GUCY1A2: variants seen among roughly 807,000 people sequenced by gnomAD.
GUCY1A2 encodes the protein guanylate cyclase soluble subunit alpha-2.
Under a neutral mutation model 63.5 loss-of-function variants are expected in GUCY1A2, and 27 were observed. The ratio of observed to expected loss-of-function variants is 0.43; its 90% CI spans 0.31 to 0.59. The LOEUF is 0.59. Ranked by LOEUF, GUCY1A2 falls within the 20% of genes least tolerant of loss-of-function variation. The pLI is 0.11. For synonymous variants in GUCY1A2, 364 were observed against 343.5 expected (o/e 1.06, Z -0.66); for missense variants, 768 against 913.3 (o/e 0.84, Z 2.05).
At chr11:106,969,599 T>A (rs1404809693) in intron 3 of GUCY1A2, among the ~76,000 whole-genome samples, 1 of 151,808 alleles carries the variant, frequency 6.6e-6, no homozygotes, top group Admixed American at 6.6e-5. Flanking sequence ...AAAAAGCAAA[T>A]GTGACAAGTC....
rs1041274205 is a variant in GUCY1A2, at chr11:106,810,002, A to G, written c.1683T>C (p.Asp561=). Residue 561 remains aspartate, a synonymous_variant, in exon 5 of 8, where the codon GAT becomes GAC. Transcript: ENST00000526355. ...TRFDHQCGFL[D]IYKVETIGDA... ...AACTAAACTCCCTTACCTTATAAAT[A>G]TCCAAAAATCCACACTGGTGGTCAA... 4 of 1,596,790 alleles carry G rather than the reference A, an allele frequency of 2.5e-6. No individual in the cohort carries two copies. The African/African-American group carries it at 4.0e-5, about 16-fold the overall frequency.
intron 4 of GUCY1A2, chr11:106,826,574 T>G (rs1858973960): frequency 6.2e-7 from 1 of 1,601,028 alleles, no homozygotes; most frequent in Non-Finnish European, 8.6e-7. Context: ...TGTCCTTTGG[T>G]ACATCTCAGC....
At chr11:106,941,691 C>T (rs994602362) in intron 3 of GUCY1A2, among the ~76,000 whole-genome samples, 10 of 152,224 alleles carry the variant, frequency 6.6e-5, no homozygotes, top group Middle Eastern at 3.4e-3. Flanking sequence ...AGAAGTGAGG[C>T]AAATGAACAG....
At chr11:106,689,718 CG>C (rs1295078249) in intron 7 of GUCY1A2, among the ~76,000 whole-genome samples, 1 of 152,052 alleles carries the variant, frequency 6.6e-6, no homozygotes, top group Non-Finnish European at 1.5e-5. Flanking sequence ...GGGCCGGGCA[CG>C]GTGGCTCACG....
At chr11:106,805,231 A>T (rs1422334342) in intron 5 of GUCY1A2, among the ~76,000 whole-genome samples, 5 of 142,598 alleles carry the variant, frequency 3.5e-5, no homozygotes, top group South Asian at 2.3e-4. Context: ...GACAGAGAAA[A>T]CTATTTTATC....
intron 3 of GUCY1A2, among the ~76,000 whole-genome samples, chr11:106,943,031 G>T (rs537763285): frequency 2.0e-5 from 3 of 152,052 alleles, no homozygotes; most frequent in Non-Finnish European, 2.9e-5. Flanking sequence ...AACTAATAAA[G>T]ATTTTTATTC....
chr11:106,750,391 C>A (rs1242697295), intron 6 of GUCY1A2, among the ~76,000 whole-genome samples: 1 of 152,032 alleles, frequency 6.6e-6, no homozygotes, highest in Non-Finnish European at 1.5e-5. Flanking sequence ...TCTGGCAATA[C>A]CCTCACAAAC....
chr11:106,928,897 C>A (rs1439494507), intron 4 of GUCY1A2, among the ~76,000 whole-genome samples: 1 of 152,112 alleles, frequency 6.6e-6, no homozygotes, highest in Non-Finnish European at 1.5e-5. Context: ...TATGACTGTA[C>A]TTGGATTTTG....
At chr11:106,773,486 T>C (rs2135400253) in intron 6 of GUCY1A2, among the ~76,000 whole-genome samples, 1 of 152,304 alleles carries the variant, frequency 6.6e-6, no homozygotes, top group East Asian at 1.9e-4. Flanking sequence ...TATTCTTGTG[T>C]GTGACTTTTG....
intron 6 of GUCY1A2, among the ~76,000 whole-genome samples, chr11:106,757,873 G>A (rs1347603052): frequency 1.3e-5 from 2 of 152,228 alleles, no homozygotes; most frequent in Non-Finnish European, 2.9e-5. Context: ...AACAGAGCTC[G>A]AATGTGGTGT....
intron 1 of GUCY1A2, among the ~76,000 whole-genome samples, chr11:107,011,303 A>G (rs1409135556): frequency 2.0e-5 from 3 of 151,950 alleles, no homozygotes; most frequent in Non-Finnish European, 4.4e-5. Context: ...TTATTTTCCT[A>G]TCATATTCAA....
intron 6 of GUCY1A2, among the ~76,000 whole-genome samples, chr11:106,734,310 T>G (rs1021295270): frequency 6.6e-6 from 1 of 152,098 alleles, no homozygotes; most frequent in Non-Finnish European, 1.5e-5. Flanking sequence ...ATCAAAGATA[T>G]ATTTTGCTTA....
chr11:106,773,214 A>T (rs187071727), intron 6 of GUCY1A2, among the ~76,000 whole-genome samples: 1,948 of 151,214 alleles, frequency 0.013, 26 homozygotes, highest in South Asian at 0.05. Flanking sequence ...TTTGCCATCA[A>T]TGCAAGTATT....
intron 5 of GUCY1A2, among the ~76,000 whole-genome samples, chr11:106,798,682 G>C (rs1009970201): frequency 1.3e-5 from 2 of 152,110 alleles, no homozygotes; most frequent in African/African-American, 4.8e-5. Flanking sequence ...TATCTCAATA[G>C]ATGCAGAAAA....
rs141588638 is a variant in GUCY1A2 at position 106,975,782 on chromosome 11, A to G, written c.487+2837T>C. ...AGAGGCATGAAACACCTTGTAGGGC[A>G]CAACATGTGCTCCCAGGGAGTCCCA... On this transcript the variant is annotated intron_variant, in intron 3 of 7. Coordinates refer to ENST00000526355, the MANE Select transcript of GUCY1A2 (RefSeq NM_000855.3). Among the ~76,000 whole-genome samples, 9 of 152,312 alleles carry G rather than the reference A, an allele frequency of 5.9e-5. No homozygotes were observed. In the East Asian group the frequency reaches 1.5e-3, roughly 26 times the overall value.
chr11:106,865,014 C>A (rs1859571493), intron 4 of GUCY1A2, among the ~76,000 whole-genome samples: 1 of 152,042 alleles, frequency 6.6e-6, no homozygotes, highest in Non-Finnish European at 1.5e-5. Context: ...CTTTGTACCT[C>A]TGGTAGAATT....
chr11:106,713,439 A>G (rs1300047364), intron 6 of GUCY1A2, among the ~76,000 whole-genome samples: 1 of 151,896 alleles, frequency 6.6e-6, no homozygotes, highest in Non-Finnish European at 1.5e-5. Flanking sequence ...TAAACAAACT[A>G]AGTGTAAAGC....
intron 4 of GUCY1A2, among the ~76,000 whole-genome samples, chr11:106,927,142 G>C (rs753566934): frequency 6.6e-6 from 1 of 151,872 alleles, no homozygotes; most frequent in Non-Finnish European, 1.5e-5. Flanking sequence ...GGGAGGCCAA[G>C]GTGGGTGGAT....
Position 106,758,310 on chromosome 11 carries a change from C to T in GUCY1A2, c.1836+18129G>A, listed in dbSNP as rs182703020. Among the ~76,000 whole-genome samples the T allele has an allele frequency of 1.2e-3, 179 of 152,310 alleles. 3 individuals are homozygous for T. Among genetic ancestry groups the T allele is most frequent in the Admixed American group, 9.7e-3 (148 of 15,298 alleles). Reference sequence around the variant, plus strand: ...GCGTGGGACCCACTGAGCCAGGCACCGGAGGGAATCTCCTGGTCTGCTGGT... The same window carrying T: ...GCGTGGGACCCACTGAGCCAGGCACTGGAGGGAATCTCCTGGTCTGCTGGT... On this transcript the variant is annotated intron_variant, in intron 6 of 7. Transcript: ENST00000526355.
Sources: allele counts gnomAD v4.1 joint callset (sites outside exome capture counted in the v4.1 genomes callset), GRCh38; gene constraint gnomAD v4.1.1; transcripts MANE v1.5; gene names NCBI Gene and HGNC (gene_info 2026-07-23, HGNC 2026-07-21).